The following MTHFD2L variants were observed in gnomAD, a reference collection of about 807,000 sequenced individuals.
The protein encoded by MTHFD2L is bifunctional methylenetetrahydrofolate dehydrogenase/cyclohydrolase 2, mitochondrial.
A neutral mutation model predicts 34.9 loss-of-function variants in MTHFD2L; 29 were observed. The ratio of observed to expected loss-of-function variants is 0.83; its 90% CI spans 0.62 to 1.13. MTHFD2L has a LOEUF of 1.13. Ranked by LOEUF, MTHFD2L falls within the 50% of genes most tolerant of loss-of-function variation. The pLI, the probability that MTHFD2L is intolerant of heterozygous loss-of-function variation, is 0.00. For missense variants in MTHFD2L, 481 were observed against 446.5 expected, an observed-to-expected ratio of 1.08 and a Z score of -0.70; for synonymous variants, 167 against 155.7, an observed-to-expected ratio of 1.07 and a Z score of -0.54.
chr4:74,266,076 T>C (rs1745248739), intron 6 of MTHFD2L, among the ~76,000 whole-genome samples: 1 of 152,242 alleles, frequency 6.6e-6, no homozygotes, highest in Non-Finnish European at 1.5e-5. Context: ...GACCATTGTA[T>C]CTGTACACAT....
chr4:74,263,765 A>C (rs1017354707), intron 6 of MTHFD2L, among the ~76,000 whole-genome samples: 1 of 151,980 alleles, frequency 6.6e-6, no homozygotes, highest in African/African-American at 2.4e-5. Context: ...GGATCATGTC[A>C]TCTGCAAACA....
chr4:74,193,591 C>G (rs770522630), intron 3 of MTHFD2L, among the ~76,000 whole-genome samples: 1 of 152,042 alleles, frequency 6.6e-6, no homozygotes, highest in Non-Finnish European at 1.5e-5. Flanking sequence ...TATTTATTTA[C>G]GTCATTTGTC....
At chr4:74,266,630 C>T (rs1048359683) in intron 6 of MTHFD2L, among the ~76,000 whole-genome samples, 5 of 152,196 alleles carry the variant, frequency 3.3e-5, no homozygotes, top group Non-Finnish European at 7.3e-5. Flanking sequence ...CACCACTTCT[C>T]CAACTCTCCT....
intron 1 of MTHFD2L, among the ~76,000 whole-genome samples, chr4:74,129,999 A>T (rs918145710): frequency 6.6e-6 from 1 of 152,214 alleles, no homozygotes; most frequent in Admixed American, 6.5e-5. Context: ...AAATGGACAA[A>T]TTCCTGGACA....
At chr4:74,119,543 G>A (rs1379109915), upstream of MTHFD2L, among the ~76,000 whole-genome samples, 1 of 152,174 alleles carries the variant, frequency 6.6e-6, no homozygotes, top group Non-Finnish European at 1.5e-5. Flanking sequence ...CAGGACTTTG[G>A]GAGGCCGAGG....
At chr4:74,175,227 T>G (rs13116686) in intron 2 of MTHFD2L, 54 bp from the exon 3 acceptor site, 1,453,399 of 1,583,432 alleles carry the variant, frequency 0.92, 680,509 homozygotes, top group Non-Finnish European at 0.96. Context: ...ACACTATTGA[T>G]GAAAAACCAT....
intron 1 of MTHFD2L, among the ~76,000 whole-genome samples, chr4:74,141,803 C>A (rs1169259939): frequency 1.3e-5 from 2 of 152,068 alleles, no homozygotes; most frequent in African/African-American, 4.8e-5. Flanking sequence ...AAGGCTGCCC[C>A]TAAAAAGAAC....
intron 6 of MTHFD2L, among the ~76,000 whole-genome samples, chr4:74,278,870 T>C (rs1747046395): frequency 1.3e-5 from 2 of 152,058 alleles, no homozygotes; most frequent in African/African-American, 4.8e-5. Context: ...AAATTATTCA[T>C]TAAAAATTTG....
At chr4:74,125,464 C>CTCTG (rs1722002947) in exon 1 of MTHFD2L, 1 of 152,098 alleles carries the variant, frequency 6.6e-6, no homozygotes, top group African/African-American at 2.4e-5. Context: ...ATGAAGAGAC[C>CTCTG]TCTGCCTGAA....
chr4:74,274,434 T>C (rs144085963), intron 6 of MTHFD2L, among the ~76,000 whole-genome samples: 2 of 152,278 alleles, frequency 1.3e-5, no homozygotes, highest in Non-Finnish European at 2.9e-5. Context: ...CCATACCTCA[T>C]TGTAACAGTA....
intron 1 of MTHFD2L, among the ~76,000 whole-genome samples, chr4:74,162,505 C>CTTT (rs3051352): frequency 1.6e-5 from 2 of 124,262 alleles, no homozygotes; most frequent in Admixed American, 8.0e-5. Flanking sequence ...TCTCTCCCCA[C>CTTT]TTTTTTTTTT....
rs147209855 is a variant in MTHFD2L, at chr4:74,147,133, T to C, written c.-296-12922T>C. Among the ~76,000 whole-genome samples the C allele has an allele frequency of 1.2e-3, 186 of 152,306 alleles. 1 individual carries two copies. Among genetic ancestry groups the C allele is most frequent in the Non-Finnish European group, 2.4e-3 (160 of 68,026 alleles). On this transcript the variant is annotated intron_variant, in intron 1 of 7. Coordinates refer to the MTHFD2L transcript ENST00000433372. ...ACATCTATGTATTTGCATTGAAGGA[T>C]TAGTTATTTATTCCAGTCTTCTCTG...
At chr4:74,159,611 A>G (rs1724966107) in intron 1 of MTHFD2L, among the ~76,000 whole-genome samples, 1 of 152,220 alleles carries the variant, frequency 6.6e-6, no homozygotes, top group African/African-American at 2.4e-5. Context: ...AATGGAAGTC[A>G]TTACAAACAA....
At chr4:74,227,225 G>A (rs544435362) in intron 6 of MTHFD2L, among the ~76,000 whole-genome samples, 14 of 152,044 alleles carry the variant, frequency 9.2e-5, no homozygotes, top group South Asian at 2.1e-4. Flanking sequence ...CTCCTGCATC[G>A]ATAGCTTTTG....
At chr4:74,289,205 AC>A (rs1204262926) in intron 7 of MTHFD2L, among the ~76,000 whole-genome samples, 3 of 152,208 alleles carry the variant, frequency 2.0e-5, no homozygotes, top group African/African-American at 4.8e-5. Context: ...CAAAAATAAA[AC>A]AAGATAAGAG....
At chr4:74,187,087 G>A (rs1270322084) in intron 3 of MTHFD2L, among the ~76,000 whole-genome samples, 1 of 152,136 alleles carries the variant, frequency 6.6e-6, no homozygotes, top group Non-Finnish European at 1.5e-5. Flanking sequence ...CATAGTACTG[G>A]CTGGAACAAT....
At chr4:74,201,507 G>C (rs1044031355) in intron 5 of MTHFD2L, 137 bp downstream of exon 5, 1 of 486,530 alleles carries the variant, frequency 2.1e-6, no homozygotes, top group Non-Finnish European at 3.5e-6. Context: ...TCCTCATTTA[G>C]TGATGTGAGA....
intron 6 of MTHFD2L, among the ~76,000 whole-genome samples, chr4:74,270,032 TA>T (rs1221346992): frequency 6.6e-6 from 1 of 152,152 alleles, no homozygotes; most frequent in Non-Finnish European, 1.5e-5. Flanking sequence ...TTTACGGACC[TA>T]AGGTCCTGAA....
At chr4:74,254,986 T>G (rs891801935) in intron 6 of MTHFD2L, among the ~76,000 whole-genome samples, 16 of 151,520 alleles carry the variant, frequency 1.1e-4, no homozygotes, top group Non-Finnish European at 1.6e-4. Flanking sequence ...AATACAAAAA[T>G]TAGCCAAGCA....
Sources: gnomAD v4.1 joint callset for allele counts (sites outside exome capture counted in the v4.1 genomes callset) on GRCh38, gnomAD v4.1.1 for gene constraint, MANE v1.5 for transcripts, NCBI Gene and HGNC (gene_info 2026-07-23, HGNC 2026-07-21) for gene names.